Variants in LAMA2 observed in about 807,000 individuals in gnomAD.
The protein encoded by LAMA2 is laminin subunit alpha-2.
In LAMA2, 269 loss-of-function variants were observed where a neutral mutation model predicts 364.8. The observed-to-expected ratio is 0.74, with a 90% CI of 0.67 to 0.82. The LOEUF (loss-of-function observed/expected upper bound fraction) is 0.82, where lower values mean the gene tolerates loss of function less well. Ranked by LOEUF, LAMA2 falls within the 40% of genes least tolerant of loss-of-function variation. The pLI, the probability that LAMA2 is intolerant of heterozygous loss-of-function variation, is 0.00. For synonymous variants in LAMA2, 1,379 were observed against 1,370.6 expected (o/e 1.01, Z -0.14); for missense variants, 3,807 against 3,873.2 (o/e 0.98, Z 0.45).
At chr6:129,378,721 G>A (rs1383697166) in intron 34 of LAMA2, among the ~76,000 whole-genome samples, 2 of 151,956 alleles carry the variant, frequency 1.3e-5, no homozygotes, top group African/African-American at 4.8e-5. Context: ...ATATAAGTCT[G>A]TGAGACAAAA....
intron 41 of LAMA2, among the ~76,000 whole-genome samples, chr6:129,434,114 C>T (rs771737761): frequency 6.6e-6 from 1 of 152,068 alleles, no homozygotes; most frequent in East Asian, 1.9e-4. Context: ...TAACTAAGCC[C>T]TAATTTATAT....
intron 9 of LAMA2, among the ~76,000 whole-genome samples, chr6:129,175,494 G>C (rs1780523080): frequency 6.6e-6 from 1 of 152,192 alleles, no homozygotes; most frequent in South Asian, 2.1e-4. Context: ...TATCAAGTTA[G>C]AATTTGCTTC....
chr6:129,454,258 A>G lies in LAMA2; in HGVS notation c.6677A>G (p.Asp2226Gly). The change falls in exon 47 of 65, where the codon GAC (aspartate) becomes GGC (glycine). Residue 2226 changes from aspartate (D) to glycine (G), a missense_variant. By Grantham distance (94) the Asp-to-Gly change is moderately conservative. Coordinates refer to ENST00000421865, the MANE Select transcript of LAMA2 (RefSeq NM_000426.4). ...GAGTACCCAGATTTGACTATTGATG[A>G]CTCATATTGGTACCGTATCGTAGCA... The part of the protein sequence containing the change: ...RVEYPDLTID[D>G]SYWYRIVASR... The G allele has an allele frequency of 6.2e-7, 1 of 1,611,204 alleles. No homozygotes were observed. Among genetic ancestry groups the G allele is most frequent in the Non-Finnish European group, 8.5e-7 (1 of 1,177,728 alleles).
chr6:129,395,063 C>T (rs1411276288), intron 37 of LAMA2, among the ~76,000 whole-genome samples: 3 of 151,992 alleles, frequency 2.0e-5, no homozygotes, highest in Non-Finnish European at 4.4e-5. Context: ...CTGAAAATCA[C>T]ATGGGGTGTT....
intron 12 of LAMA2, among the ~76,000 whole-genome samples, chr6:129,219,908 ATGTAT>A (rs1040377783): frequency 1.7e-4 from 25 of 151,412 alleles, no homozygotes; most frequent in African/African-American, 6.1e-4. Flanking sequence ...AGCATGGCAC[ATGTAT>A]ACATATGTAA....
chr6:129,509,852 T>A (rs770634661), intron 62 of LAMA2, among the ~76,000 whole-genome samples: 11 of 152,108 alleles, frequency 7.2e-5, no homozygotes, highest in Non-Finnish European at 1.3e-4. Context: ...CATATGAATT[T>A]TAGGAATTTT....
intron 17 of LAMA2, among the ~76,000 whole-genome samples, chr6:129,271,252 A>T (rs762835861): frequency 3.9e-5 from 6 of 152,014 alleles, no homozygotes; most frequent in Admixed American, 1.3e-4. Flanking sequence ...TTTTTAGAAA[A>T]ATTCGTTGTT....
chr6:128,883,454 T>A, intron 1 of LAMA2, 97 bp downstream of exon 1: 1 of 1,532,170 alleles, frequency 6.5e-7, no homozygotes, highest in Non-Finnish European at 8.8e-7. Flanking sequence ...TGGACTGCCG[T>A]CTTGCTTCGC....
At chr6:129,447,407 G>C (rs1782444843) in intron 45 of LAMA2, among the ~76,000 whole-genome samples, 1 of 152,184 alleles carries the variant, frequency 6.6e-6, no homozygotes, top group African/African-American at 2.4e-5. Context: ...AGAGTATTCT[G>C]AGAAGAGGGA....
chr6:129,219,968 A>C (rs1022457039), intron 12 of LAMA2, among the ~76,000 whole-genome samples: 3 of 151,936 alleles, frequency 2.0e-5, no homozygotes, highest in Admixed American at 2.0e-4. Context: ...TTAAAGTATA[A>C]TAATAATAAA....
chr6:129,340,855 GAAAAA>G (rs1249111435), intron 29 of LAMA2, among the ~76,000 whole-genome samples: 2 of 140,918 alleles, frequency 1.4e-5, no homozygotes, highest in Non-Finnish European at 3.1e-5. Flanking sequence ...AAAAAAAAGA[GAAAAA>G]GAAAAGAAAA....
intron 1 of LAMA2, among the ~76,000 whole-genome samples, chr6:128,899,790 T>C (rs1281004838): frequency 2.0e-5 from 3 of 152,084 alleles, no homozygotes; most frequent in South Asian, 2.1e-4. Flanking sequence ...TTTTTTCCCC[T>C]CTAAGGATAT....
In LAMA2 at chr6:129,492,075, T is replaced by C. The variant is rs1435080293; in HGVS notation, c.8073T>C (p.Ser2691=). 6 of 1,612,710 alleles carry C rather than the reference T, an allele frequency of 3.7e-6. No individual in the cohort carries two copies. In the South Asian group the frequency reaches 6.6e-5, roughly 18 times the overall value. Residue 2691 remains serine (S), a splice_region_variant and synonymous_variant, in exon 57 of 65, where the codon TCT becomes TCC. Coordinates refer to ENST00000421865, the MANE Select transcript of LAMA2 (RefSeq NM_000426.4). ...GCATATGGAATCTTGTTATTAACTC[T>C]GTGTAAGTGGATCTCCTCATTACTA... is the stretch of plus-strand genomic sequence containing the variant. ...EGCIWNLVIN[S]VPMDFARPVS...
At chr6:129,110,203 C>T (rs1016778930) in intron 4 of LAMA2, among the ~76,000 whole-genome samples, 1 of 151,748 alleles carries the variant, frequency 6.6e-6, no homozygotes, top group Non-Finnish European at 1.5e-5. Flanking sequence ...TAATTCAGGT[C>T]CCAATTCTGA....
At chr6:129,279,661 A>G (rs1352795779) in intron 17 of LAMA2, among the ~76,000 whole-genome samples, 4 of 152,154 alleles carry the variant, frequency 2.6e-5, no homozygotes, top group African/African-American at 9.6e-5. Flanking sequence ...GAGATTTCCA[A>G]AATCACTAAC....
chr6:129,327,671 G>C (rs12206166), intron 28 of LAMA2, among the ~76,000 whole-genome samples: 1 of 152,006 alleles, frequency 6.6e-6, no homozygotes, highest in Non-Finnish European at 1.5e-5. Context: ...GCATATGTCA[G>C]CTTCACTAGA....
intron 40 of LAMA2, among the ~76,000 whole-genome samples, chr6:129,415,682 C>T (rs1329561003): frequency 1.3e-5 from 2 of 151,880 alleles, no homozygotes; most frequent in African/African-American, 2.4e-5. Context: ...CCCATCTCTA[C>T]TAAAAATACA....
At chr6:129,130,343 A>T (rs1279063693) in intron 4 of LAMA2, among the ~76,000 whole-genome samples, 1 of 152,224 alleles carries the variant, frequency 6.6e-6, no homozygotes, top group Non-Finnish European at 1.5e-5. Flanking sequence ...GATAATTGAG[A>T]CAAGAGAAGT....
At chr6:129,505,435 T>G in intron 61 of LAMA2, 80 bp downstream of exon 61, 2 of 1,165,396 alleles carry the variant, frequency 1.7e-6, no homozygotes, top group South Asian at 1.3e-5. Flanking sequence ...TTAGGTCACA[T>G]GGGCCCATGA....
Sources: allele counts gnomAD v4.1 joint callset (sites outside exome capture counted in the v4.1 genomes callset), GRCh38; gene constraint gnomAD v4.1.1; transcripts MANE v1.5; gene names NCBI Gene and HGNC (gene_info 2026-07-23, HGNC 2026-07-21).